IWS1: variants seen among roughly 807,000 people sequenced by gnomAD.
IWS1 encodes interacts with SUPT6H, CTD assembly factor 1.
Under a neutral mutation model 86.7 loss-of-function variants are expected in IWS1, and 27 were observed. The ratio of observed to expected loss-of-function variants is 0.31; its 90% confidence interval spans 0.23 to 0.43. IWS1 has a LOEUF of 0.43. Ranked by LOEUF, IWS1 falls within the 20% of genes least tolerant of loss-of-function variation. IWS1 has a pLI of 1.00. For synonymous variants in IWS1, 313 were observed against 335.1 expected, an observed-to-expected ratio of 0.93 and a Z score of 0.72; for missense variants, 827 against 1,000.8, an observed-to-expected ratio of 0.83 and a Z score of 2.34.
chr2:127,483,591 T>TGGGGG (rs1187157658), intron 13 of IWS1, among the ~76,000 whole-genome samples: 2 of 17,520 alleles, frequency 1.1e-4, no homozygotes, highest in African/African-American at 2.4e-4. Flanking sequence ...GGTGGTGGGG[T>TGGGGG]GGGGGGGTTG....
At chr2:127,498,310 T>A (rs1259117385) in intron 5 of IWS1, 73 bp from the exon 6 acceptor site, 3 of 1,439,124 alleles carry the variant, frequency 2.1e-6, no homozygotes, top group Non-Finnish European at 2.8e-6. Context: ...TTTGCATTTT[T>A]AAAGTAATTC....
chr2:127,498,548 A>G (rs2104685985), intron 5 of IWS1, among the ~76,000 whole-genome samples: 1 of 152,354 alleles, frequency 6.6e-6, no homozygotes, highest in East Asian at 1.9e-4. Context: ...AAAAGAATCT[A>G]GAGGCCAATC....
chr2:127,520,373 T>C (rs1252374968), intron 2 of IWS1, among the ~76,000 whole-genome samples: 3 of 152,260 alleles, frequency 2.0e-5, no homozygotes, highest in African/African-American at 4.8e-5. Context: ...TTCACCATGT[T>C]GGCCAGGATG....
chr2:127,486,586 C>A lies in IWS1; in HGVS notation c.2295G>T (p.Arg765Ser). Residue 765 changes from arginine (R) to serine (S), a missense_variant, in exon 13 of 14, where the codon AGG becomes AGT. Around this residue, in one of 2 missense-constraint regions of IWS1, gnomAD observed 279 missense variants for 440.6 expected, o/e 0.63. Transcript: ENST00000295321. ...ACTCCATTTCCACATTCCATTTGGG[C>A]CTGACAACATAGTCCTTGTTTGAAG... ...PMPSNKDYVV[R>S]PKWNVEMESS... 3 of 1,614,052 alleles carry A rather than the reference C, an allele frequency of 1.9e-6. No homozygotes were observed. The highest frequency in any genetic ancestry group is 2.5e-6 in the Non-Finnish European group (3 of 1,179,928).
intron 1 of IWS1, 70 bp from the exon 2 acceptor site, chr2:127,523,861 C>A (rs1573576483): frequency 1.3e-5 from 13 of 1,033,470 alleles, no homozygotes; most frequent in Admixed American, 2.2e-5. Flanking sequence ...AATGAACACA[C>A]TGAATCAAGA....
At chr2:127,500,007 A>C (rs1690719441) in intron 5 of IWS1, among the ~76,000 whole-genome samples, 1 of 152,196 alleles carries the variant, frequency 6.6e-6, no homozygotes, top group Non-Finnish European at 1.5e-5. Context: ...CTGAATAATC[A>C]AGCTTCTAGA....
At chr2:127,526,619 G>T (rs766123040), upstream of IWS1, 14 of 1,346,678 alleles carry the variant, frequency 1.0e-5, no homozygotes, top group African/African-American at 3.0e-5. Context: ...GCTGGAACTC[G>T]GGCTTTAGTT....
chr2:127,492,317 G>GGTGGATCACCTGAGGTCA (rs1394873240), intron 9 of IWS1, among the ~76,000 whole-genome samples: 2 of 152,172 alleles, frequency 1.3e-5, no homozygotes, highest in Non-Finnish European at 2.9e-5. Flanking sequence ...GGCTGAGGCG[G>GGTGGATCACCTGAGGTCA]GTGGATCACC....
chr2:127,526,228 G>A lies in IWS1; in HGVS notation c.-20C>T. ...GTCCATGGCAGGCGGACTCTCAGCG[G>A]GGAGTGTCCGCGCCCCGCGCCGCCC... On this transcript the variant is annotated 5_prime_UTR_variant, in exon 1 of 14. Transcript: ENST00000295321. 1.3e-6 allele frequency: 2 copies of A among 1,559,492 alleles called. No individual in the cohort carries two copies. The highest frequency in any genetic ancestry group is 1.2e-5 in the South Asian group (1 of 84,750).
chr2:127,490,258 A>G, intron 10 of IWS1, among the ~76,000 whole-genome samples: 1 of 152,310 alleles, frequency 6.6e-6, no homozygotes, highest in Middle Eastern at 3.4e-3. Flanking sequence ...ATTTTTATTT[A>G]TTTATTTTAA....
At chr2:127,526,069 G>T in intron 1 of IWS1, 106 bp downstream of exon 1, 2 of 1,107,674 alleles carry the variant, frequency 1.8e-6, no homozygotes, top group Non-Finnish European at 2.6e-6. Flanking sequence ...GTCGCGGGAG[G>T]GAAGGTTTCG....
At chr2:127,526,907 C>CA, upstream of IWS1, 1 of 318,410 alleles carries the variant, frequency 3.1e-6, no homozygotes, top group African/African-American at 2.2e-5. Context: ...AGCTGTGATG[C>CA]GTTACTAACT....
intron 6 of IWS1, 56 bp downstream of exon 6, chr2:127,498,084 G>A: frequency 7.4e-7 from 1 of 1,344,562 alleles, no homozygotes; most frequent in African/African-American, 1.5e-5. Flanking sequence ...GAGTTTAATA[G>A]TCTCTACCTT....
chr2:127,482,616 A>C (rs922636874), intron 13 of IWS1: 17 of 152,508 alleles, frequency 1.1e-4, no homozygotes, highest in Non-Finnish European at 2.3e-4. Flanking sequence ...TTCACACATT[A>C]ACTGGACTTC....
chr2:127,503,622 T>C (rs747721753), intron 3 of IWS1, 46 bp from the exon 4 acceptor site: 4 of 1,447,994 alleles, frequency 2.8e-6, no homozygotes, highest in East Asian at 2.4e-5. Flanking sequence ...ATCACAGCCA[T>C]TGTATTACTA....
intron 2 of IWS1, among the ~76,000 whole-genome samples, chr2:127,510,787 C>A (rs1305188405): frequency 6.6e-6 from 1 of 152,084 alleles, no homozygotes; most frequent in African/African-American, 2.4e-5. Context: ...CAAACTCTTG[C>A]CTACCTCTTT....
chr2:127,503,435 T>C lies in IWS1; in HGVS notation c.1361A>G (p.Glu454Gly), dbSNP rs1210755528. ...GTCACTCCCAAACAGATCCTTCTCT[T>C]CATTTTTCTTATCAGACAATTCTTT... ...AGKELSDKKNEEKDLFGSDSE... is the reference protein window; with the variant it reads ...AGKELSDKKNGEKDLFGSDSE... The change falls in exon 4 of 14, where the codon GAA (glutamate) becomes GGA (glycine). Residue 454 changes from glutamate to glycine, a missense_variant. By Grantham distance (98) the Glu-to-Gly change is moderately conservative. Around this residue, in one of 2 missense-constraint regions of IWS1, gnomAD observed 548 missense variants for 560.2 expected, o/e 0.98. Transcript: ENST00000295321. 6.2e-7 allele frequency: 1 copy of C among 1,613,550 alleles called. No individual in the cohort carries two copies. The highest frequency in any genetic ancestry group is 8.5e-7 in the Non-Finnish European group (1 of 1,179,764).
In IWS1 at chr2:127,481,100, T is replaced by A. The variant is rs1558734637; in HGVS notation, c.2404A>T (p.Ser802Cys). The change falls in exon 14 of 14, where the codon AGC becomes TGC. Residue 802 changes from serine (S) to cysteine (C), a missense_variant. By Grantham distance (112) the Ser-to-Cys change is moderately radical (BLOSUM62 -1). Coordinates refer to ENST00000295321, the MANE Select transcript of IWS1 (RefSeq NM_017969.3). ...ATTTTCACTGCGTGTGCAGATCTGC[T>A]TTTTTTCCTTATATCTGTGAACTTT... ...MRKFTDIRKK[S>C]RSAHAVKISI... 33 of 1,611,848 alleles carry A rather than the reference T, an allele frequency of 2.0e-5. No homozygotes were observed. Among genetic ancestry groups the A allele is most frequent in the Non-Finnish European group, 2.5e-5 (30 of 1,179,198 alleles).
chr2:127,525,089 G>GTAGGGGGGTGGGGTAGGGGCA (rs1428821080), intron 1 of IWS1, among the ~76,000 whole-genome samples: 2 of 139,808 alleles, frequency 1.4e-5, no homozygotes, highest in African/African-American at 5.7e-5. Context: ...TAGAGACGAA[G>GTAGGGGGGTGGGGTAGGGGCA]TAGGGGGGTG....
Sources: allele counts gnomAD v4.1 joint callset (sites outside exome capture counted in the v4.1 genomes callset), GRCh38; gene constraint gnomAD v4.1.1; regional missense constraint gnomAD v4.1.1; transcripts MANE v1.5; gene names NCBI Gene and HGNC (gene_info 2026-07-23, HGNC 2026-07-21).